IMMP2L: variants seen among roughly 807,000 people sequenced by gnomAD.
The protein encoded by IMMP2L is mitochondrial inner membrane protease subunit 2.
IMMP2L carries 18 observed loss-of-function variants against 19.3 expected under a neutral mutation model. The ratio of observed to expected loss-of-function variants is 0.93; its 90% CI spans 0.64 to 1.38. The LOEUF (loss-of-function observed/expected upper bound fraction) is 1.38, where lower values mean the gene tolerates loss of function less well. Ranked by LOEUF, IMMP2L falls within the 40% of genes most tolerant of loss-of-function variation. The probability of loss-of-function intolerance (pLI) is 0.00; values close to 1 mark genes in which losing one functional copy is unlikely to be tolerated. For synonymous variants in IMMP2L, 76 were observed against 73.0 expected (o/e 1.04, Z -0.21); for missense variants, 233 against 218.2 (o/e 1.07, Z -0.43).
chr7:111,211,030 CTCTA>C (rs1811249839), intron 3 of IMMP2L, among the ~76,000 whole-genome samples: 1 of 152,084 alleles, frequency 6.6e-6, no homozygotes, highest in Non-Finnish European at 1.5e-5. Flanking sequence ...CAGTCAGTTG[CTCTA>C]TCTACCAAGT....
At chr7:111,141,223 A>G (rs1240942667) in intron 3 of IMMP2L, among the ~76,000 whole-genome samples, 1 of 151,988 alleles carries the variant, frequency 6.6e-6, no homozygotes, top group Non-Finnish European at 1.5e-5. Context: ...TTATAATACT[A>G]ATGTTTACTT....
At chr7:110,737,800 T>A (rs1485357831) in intron 5 of IMMP2L, among the ~76,000 whole-genome samples, 1 of 151,538 alleles carries the variant, frequency 6.6e-6, no homozygotes, top group Non-Finnish European at 1.5e-5. Flanking sequence ...CCTCACAGAG[T>A]CCACTCCATT....
At chr7:111,021,127 G>C (rs1826231333) in intron 3 of IMMP2L, among the ~76,000 whole-genome samples, 1 of 152,148 alleles carries the variant, frequency 6.6e-6, no homozygotes, top group South Asian at 2.1e-4. Flanking sequence ...TCAATATAGA[G>C]AGTGGGTGAA....
At chr7:110,685,187 T>C (rs1793027569) in intron 5 of IMMP2L, among the ~76,000 whole-genome samples, 1 of 152,048 alleles carries the variant, frequency 6.6e-6, no homozygotes, top group Non-Finnish European at 1.5e-5. Flanking sequence ...AGCACCATAA[T>C]GTAAAGACAG....
intron 3 of IMMP2L, among the ~76,000 whole-genome samples, chr7:111,210,913 C>T (rs1452351899): frequency 6.6e-6 from 1 of 151,626 alleles, no homozygotes; most frequent in East Asian, 1.9e-4. Flanking sequence ...AAGGATAAGG[C>T]CTTTGGCTTT....
chr7:111,090,350 G>A lies in IMMP2L; in HGVS notation c.240-126785C>T, dbSNP rs754555964. On this transcript the variant is annotated intron_variant, in intron 3 of 5. Transcript: ENST00000405709. ...TTAAATAATTTAACTTATTACAATCGAAATATTTCCCCAGAGTGGTAAAAA... is the reference window on the plus strand; with the variant it reads ...TTAAATAATTTAACTTATTACAATCAAAATATTTCCCCAGAGTGGTAAAAA... Among the ~76,000 whole-genome samples, 7 of 151,712 alleles carry A rather than the reference G, an allele frequency of 4.6e-5. No homozygotes were observed. In the South Asian group the frequency reaches 8.3e-4, roughly 18 times the overall value.
rs76564556 is a variant in IMMP2L, at chr7:110,933,860, G to C, written c.305+29640C>G. Reference sequence around the variant, plus strand: ...TAAAAAATGGAAAACACTGATCTTAGTTACTTTTTGTCTTTTGCTAGCTTT... The same window carrying C: ...TAAAAAATGGAAAACACTGATCTTACTTACTTTTTGTCTTTTGCTAGCTTT... On this transcript the variant is annotated intron_variant, in intron 4 of 5. Coordinates refer to ENST00000405709, the MANE Select transcript of IMMP2L (RefSeq NM_032549.4). 1.1e-3 allele frequency among the ~76,000 whole-genome samples: 167 copies of C among 152,258 alleles called. 1 individual carries two copies. The highest frequency in any genetic ancestry group is 3.8e-3 in the African/African-American group (156 of 41,568).
At chr7:110,731,995 T>G (rs888337830) in intron 5 of IMMP2L, among the ~76,000 whole-genome samples, 1 of 152,190 alleles carries the variant, frequency 6.6e-6, no homozygotes, top group African/African-American at 2.4e-5. Context: ...GGGGAATTAA[T>G]GAAGACTATA....
At chr7:110,805,770 TCTTGA>T (rs1302329552) in intron 5 of IMMP2L, among the ~76,000 whole-genome samples, 2 of 152,034 alleles carry the variant, frequency 1.3e-5, no homozygotes, top group African/African-American at 4.8e-5. Context: ...GGCCTTACAA[TCTTGA>T]CTTGTCTTAT....
At chr7:111,527,961 G>A (rs79074544) in intron 1 of IMMP2L, among the ~76,000 whole-genome samples, 1 of 152,080 alleles carries the variant, frequency 6.6e-6, no homozygotes, top group African/African-American at 2.4e-5. Context: ...AAAAGAAAAC[G>A]CTCAATTCAG....
At chr7:110,986,924 G>T (rs1821920874) in intron 3 of IMMP2L, among the ~76,000 whole-genome samples, 1 of 151,826 alleles carries the variant, frequency 6.6e-6, no homozygotes, top group Admixed American at 6.6e-5. Context: ...TTTCTTCTTG[G>T]GTCACCTATT....
intron 5 of IMMP2L, among the ~76,000 whole-genome samples, chr7:110,861,169 G>A (rs1264648721): frequency 6.6e-6 from 1 of 150,616 alleles, no homozygotes; most frequent in South Asian, 2.1e-4. Context: ...CAGATCTACT[G>A]TAAGACAGAG....
chr7:110,980,906 A>G (rs2129558025), intron 3 of IMMP2L, among the ~76,000 whole-genome samples: 1 of 152,338 alleles, frequency 6.6e-6, no homozygotes, highest in East Asian at 1.9e-4. Flanking sequence ...TCCAAAATGA[A>G]AAGAAATAAA....
At position 111,421,120 on chromosome 7, in the gene IMMP2L, T is replaced by C. The variant is rs572191624; in HGVS notation, c.239+66118A>G. ...CATTCTAACTGGCATGAGATGGTTA[T>C]CTCATTGTGGTTTTGATTTGCATTT... On this transcript the variant is annotated intron_variant, in intron 3 of 5. Transcript: ENST00000405709. Among the ~76,000 whole-genome samples, 50 of 151,934 alleles carry C rather than the reference T, an allele frequency of 3.3e-4. No homozygotes were observed. The South Asian group carries it at 0.01, about 32-fold the overall frequency.
intron 3 of IMMP2L, among the ~76,000 whole-genome samples, chr7:111,215,303 C>G (rs1811816634): frequency 6.6e-6 from 1 of 152,174 alleles, no homozygotes; most frequent in African/African-American, 2.4e-5. Context: ...GAAGAAGTGT[C>G]TTACTCAGAA....
At chr7:111,177,025 A>G (rs761254369) in intron 3 of IMMP2L, among the ~76,000 whole-genome samples, 3 of 152,050 alleles carry the variant, frequency 2.0e-5, no homozygotes, top group Admixed American at 6.6e-5. Context: ...TTACCAGTAA[A>G]TGTTGATGAA....
chr7:111,483,505 T>A (rs1842369669), intron 3 of IMMP2L: 1 of 152,152 alleles, frequency 6.6e-6, no homozygotes, highest in Non-Finnish European at 1.5e-5. Context: ...TGTTATTAAA[T>A]AAATGTAGCT....
At chr7:111,538,816 T>C (rs1313902552) in intron 1 of IMMP2L, among the ~76,000 whole-genome samples, 30 of 82,422 alleles carry the variant, frequency 3.6e-4, no homozygotes, top group African/African-American at 1.4e-3. Context: ...CTGGCTCATT[T>C]AAAAAAAAAA....
At chr7:111,409,911 A>T (rs1206526258) in intron 3 of IMMP2L, among the ~76,000 whole-genome samples, 1 of 151,788 alleles carries the variant, frequency 6.6e-6, no homozygotes, top group African/African-American at 2.4e-5. Flanking sequence ...TCCAACCTAG[A>T]TGCAAAGTCC....
Sources: gnomAD v4.1 joint callset for allele counts (sites outside exome capture counted in the v4.1 genomes callset) on GRCh38, gnomAD v4.1.1 for gene constraint, MANE v1.5 for transcripts, NCBI Gene and HGNC (gene_info 2026-07-23, HGNC 2026-07-21) for gene names.